CNTNAP2: variants seen among roughly 807,000 people sequenced by gnomAD.
CNTNAP2 encodes the protein contactin-associated protein-like 2.
CNTNAP2 carries 98 observed loss-of-function variants against 155.2 expected under a neutral mutation model. The observed-to-expected ratio is 0.63, with a 90% CI of 0.54 to 0.75. The LOEUF (loss-of-function observed/expected upper bound fraction) is 0.75. Among genes scored for constraint, CNTNAP2 ranks in the 30% least tolerant of loss-of-function variants. The pLI, the probability that CNTNAP2 is intolerant of heterozygous loss-of-function variation, is 0.00. For missense variants in CNTNAP2, 1,727 were observed against 1,688.1 expected (o/e 1.02, Z -0.40); for synonymous variants, 651 against 631.2 (o/e 1.03, Z -0.47).
intron 15 of CNTNAP2, among the ~76,000 whole-genome samples, chr7:148,055,768 G>A (rs1585100736): frequency 1.2e-5 from 1 of 82,548 alleles, no homozygotes; most frequent in East Asian, 3.3e-4. Context: ...AGTTAAGAAG[G>A]AAAAGCATTG....
chr7:148,334,327 G>A (rs1471005832), intron 21 of CNTNAP2, among the ~76,000 whole-genome samples: 1 of 152,172 alleles, frequency 6.6e-6, no homozygotes, highest in East Asian at 1.9e-4. Context: ...CACTCTCGGG[G>A]CTGAAGGCAG....
chr7:148,380,462 A>G (rs1053498470), intron 21 of CNTNAP2, among the ~76,000 whole-genome samples: 1 of 152,238 alleles, frequency 6.6e-6, no homozygotes, highest in Non-Finnish European at 1.5e-5. Context: ...CTCAGCCGCT[A>G]ATGAAACACA....
chr7:146,149,367 C>T (rs1034013032), intron 1 of CNTNAP2, among the ~76,000 whole-genome samples: 4 of 152,110 alleles, frequency 2.6e-5, no homozygotes, highest in African/African-American at 4.8e-5. Flanking sequence ...GGCTTTTTCT[C>T]ATTCATTATC....
At chr7:148,398,727 G>A (rs997652625) in intron 22 of CNTNAP2, among the ~76,000 whole-genome samples, 9 of 152,286 alleles carry the variant, frequency 5.9e-5, no homozygotes, top group Non-Finnish European at 1.0e-4. Flanking sequence ...CATCATGGAA[G>A]TCCAAAGCCC....
intron 18 of CNTNAP2, among the ~76,000 whole-genome samples, chr7:148,206,480 T>C (rs927098414): frequency 6.6e-6 from 1 of 152,110 alleles, no homozygotes; most frequent in African/African-American, 2.4e-5. Context: ...TATATTGGTC[T>C]TGTAAAAAAT....
chr7:147,202,030 C>A (rs543895998), intron 8 of CNTNAP2, among the ~76,000 whole-genome samples: 95 of 152,032 alleles, frequency 6.2e-4, no homozygotes, highest in Non-Finnish European at 1.1e-3. Flanking sequence ...AAACTAATTT[C>A]TAACCATAAA....
chr7:148,020,748 C>T (rs1001702805), intron 15 of CNTNAP2, among the ~76,000 whole-genome samples: 2 of 152,172 alleles, frequency 1.3e-5, no homozygotes, highest in Non-Finnish European at 1.5e-5. Context: ...TATTTTTTAA[C>T]AATAAACACC....
intron 8 of CNTNAP2, among the ~76,000 whole-genome samples, chr7:147,254,548 A>G (rs1804278318): frequency 6.6e-6 from 1 of 152,326 alleles, no homozygotes; most frequent in South Asian, 2.1e-4. Context: ...CTGTATAAGA[A>G]ATAATGGAGA....
Position 148,415,741 on chromosome 7 carries a change from A to ACCCT in CNTNAP2, c.*125_*126insCCCT. On this transcript the variant is annotated 3_prime_UTR_variant, in exon 24 of 24. Coordinates refer to ENST00000361727, the MANE Select transcript of CNTNAP2 (RefSeq NM_014141.6). ...AATATCAGCACAAGTTGGGGGAGGC[A>ACCCT]GGCAATGGAATATAATGGAATATTC... 9.6e-7 allele frequency: 1 copy of ACCCT among 1,044,598 alleles called. No individual in the cohort carries two copies. The highest frequency in any genetic ancestry group is 1.4e-6 in the Non-Finnish European group (1 of 691,818). 64.7% of individuals were successfully genotyped at this position (1,044,598 alleles called of 1,614,324 possible).
intron 9 of CNTNAP2, among the ~76,000 whole-genome samples, chr7:147,316,840 A>G (rs1371710073): frequency 2.6e-5 from 4 of 152,206 alleles, no homozygotes; most frequent in Admixed American, 6.5e-5. Flanking sequence ...GCAGCCACCC[A>G]AAGTCGTGAT....
chr7:147,796,388 A>G (rs533737815), intron 13 of CNTNAP2, among the ~76,000 whole-genome samples: 38 of 152,304 alleles, frequency 2.5e-4, no homozygotes, highest in African/African-American at 7.5e-4. Flanking sequence ...AAGCCTTAGC[A>G]CAAATAATCC....
At chr7:148,151,051 C>A (rs913427345) in intron 17 of CNTNAP2, among the ~76,000 whole-genome samples, 2 of 152,108 alleles carry the variant, frequency 1.3e-5, no homozygotes, top group African/African-American at 4.8e-5. Context: ...TTATTACATG[C>A]TTGGTAATGA....
intron 9 of CNTNAP2, among the ~76,000 whole-genome samples, chr7:147,377,370 G>T (rs776541508): frequency 1.1e-4 from 17 of 151,222 alleles, no homozygotes; most frequent in Admixed American, 2.0e-4. Flanking sequence ...TCTACTTTTT[G>T]TCCTGAGTTT....
intron 17 of CNTNAP2, among the ~76,000 whole-genome samples, chr7:148,168,219 C>T (rs1302411239): frequency 6.6e-6 from 1 of 151,788 alleles, no homozygotes; most frequent in East Asian, 1.9e-4. Flanking sequence ...TGGGTATATA[C>T]CCAAAGGATT....
intron 22 of CNTNAP2, among the ~76,000 whole-genome samples, chr7:148,402,362 T>C (rs1799605820): frequency 6.6e-6 from 1 of 152,100 alleles, no homozygotes; most frequent in Non-Finnish European, 1.5e-5. Context: ...GAGAGAGAAA[T>C]GTGAAACTCA....
chr7:146,123,333 C>G (rs369587553), intron 1 of CNTNAP2, among the ~76,000 whole-genome samples: 2 of 152,064 alleles, frequency 1.3e-5, no homozygotes, highest in South Asian at 4.1e-4. Flanking sequence ...ATACTTTTAC[C>G]AGGAAAAATT....
chr7:148,173,234 G>T (rs1411970682), intron 18 of CNTNAP2, among the ~76,000 whole-genome samples: 2 of 152,174 alleles, frequency 1.3e-5, no homozygotes, highest in Non-Finnish European at 2.9e-5. Flanking sequence ...TGACTCAACT[G>T]GTCTGTGGCT....
chr7:146,337,995 A>G (rs1457284475), intron 1 of CNTNAP2, among the ~76,000 whole-genome samples: 2 of 152,170 alleles, frequency 1.3e-5, no homozygotes, highest in Admixed American at 1.3e-4. Context: ...GGTAACATTT[A>G]TTCTGAAGGA....
At chr7:146,385,164 G>A (rs183728719) in intron 1 of CNTNAP2, among the ~76,000 whole-genome samples, 1 of 151,878 alleles carries the variant, frequency 6.6e-6, no homozygotes, top group Admixed American at 6.6e-5. Context: ...CTACCACTAG[G>A]TTTCCTTCCA....
Sources: gnomAD v4.1 joint callset for allele counts (sites outside exome capture counted in the v4.1 genomes callset) on GRCh38, gnomAD v4.1.1 for gene constraint, MANE v1.5 for transcripts, NCBI Gene and HGNC (gene_info 2026-07-23, HGNC 2026-07-21) for gene names.